The following PPP4R3B variants were observed in gnomAD, a reference collection of about 807,000 sequenced individuals.
PPP4R3B encodes the protein serine/threonine-protein phosphatase 4 regulatory subunit 3B.
Under a neutral mutation model 95.4 loss-of-function variants are expected in PPP4R3B, and 52 were observed. The ratio of observed to expected loss-of-function variants is 0.54; its 90% confidence interval spans 0.44 to 0.69. The LOEUF is 0.69. Among genes scored for constraint, PPP4R3B ranks in the 30% least tolerant of loss-of-function variants. The pLI, the probability that PPP4R3B is intolerant of heterozygous loss-of-function variation, is 0.00. For synonymous variants in PPP4R3B, 407 were observed against 343.9 expected, an observed-to-expected ratio of 1.18 and a Z score of -2.03; for missense variants, 1,003 against 1,005.9, an observed-to-expected ratio of 1.00 and a Z score of 0.04.
chr2:55,610,803 T>G (rs894385493), intron 2 of PPP4R3B, among the ~76,000 whole-genome samples: 2 of 152,058 alleles, frequency 1.3e-5, no homozygotes, highest in Non-Finnish European at 2.9e-5. Flanking sequence ...AAAACTGCAA[T>G]GAGGATTTTC....
intron 2 of PPP4R3B, among the ~76,000 whole-genome samples, chr2:55,604,533 A>T (rs2586972): frequency 0.93 from 136,875 of 147,958 alleles, 63,814 homozygotes; most frequent in African/African-American, 0.97. Context: ...TTTTTTTTTT[A>T]TATATCTGGA....
rs1005447142 is a variant in PPP4R3B at position 55,598,947 on chromosome 2, A to T, written c.390T>A (p.His130Gln). The T allele has an allele frequency of 6.2e-7, 1 of 1,614,094 alleles. No homozygotes were observed. The highest frequency in any genetic ancestry group is 2.2e-5 in the East Asian group (1 of 44,892). The change falls in exon 4 of 17, where the codon CAT becomes CAA. Residue 130 changes from histidine (H) to glutamine (Q), a missense_variant. Coordinates refer to ENST00000616407, the MANE Select transcript of PPP4R3B (RefSeq NM_001122964.3). ...GTTCACATGTGGGCAGGTCAATCAG[A>T]TGACTAGTTTCAGGCATTTCTTCAA... ...ERFEEMPETS[H>Q]LIDLPTCELN...
Position 55,555,899 on chromosome 2 carries a change from T to C in PPP4R3B, c.2454+2876A>G, listed in dbSNP as rs140125700. Among the ~76,000 whole-genome samples, 687 of 152,358 alleles carry C rather than the reference T, an allele frequency of 4.5e-3. 5 individuals are homozygous for C. Among genetic ancestry groups the C allele is most frequent in the Non-Finnish European group, 6.3e-3 (431 of 68,024 alleles). Reference sequence around the variant, plus strand: ...ACGTGTTTATTTTAGTATCCACAAATGGCTTCTCATTCTGATTTTATATTT... The same window carrying C: ...ACGTGTTTATTTTAGTATCCACAAACGGCTTCTCATTCTGATTTTATATTT... On this transcript the variant is annotated intron_variant, in intron 16 of 16. Coordinates refer to ENST00000616407, the MANE Select transcript of PPP4R3B (RefSeq NM_001122964.3).
intron 1 of PPP4R3B, chr2:55,616,503 A>G (rs1274850999): frequency 6.6e-6 from 1 of 152,226 alleles, no homozygotes; most frequent in Non-Finnish European, 1.5e-5. Context: ...ACCAAAGAAC[A>G]CAGCAGTTTA....
chr2:55,566,909 C>T (rs1004613587), intron 13 of PPP4R3B, among the ~76,000 whole-genome samples: 1 of 152,052 alleles, frequency 6.6e-6, no homozygotes, highest in Non-Finnish European at 1.5e-5. Flanking sequence ...AGGAGGCTGA[C>T]GTGGGAGGAT....
At chr2:55,615,766 C>G (rs994121514) in intron 1 of PPP4R3B, among the ~76,000 whole-genome samples, 1 of 144,890 alleles carries the variant, frequency 6.9e-6, no homozygotes, top group African/African-American at 2.6e-5. Flanking sequence ...GCAGGAGAAT[C>G]GCTTGAGAGA....
intron 1 of PPP4R3B, among the ~76,000 whole-genome samples, chr2:55,615,857 CAAAAAAA>C (rs58981030): frequency 0.081 from 3,201 of 39,330 alleles, 68 homozygotes; most frequent in South Asian, 0.21. Context: ...ACTCTGTCTC[CAAAAAAA>C]AAAAAAAAAA....
intron 11 of PPP4R3B, 31 bp downstream of exon 11, chr2:55,577,284 A>G (rs1027239213): frequency 2.6e-6 from 4 of 1,538,090 alleles, no homozygotes; most frequent in Non-Finnish European, 3.5e-6. Flanking sequence ...TATAATTTGC[A>G]TGTATTCATA....
At chr2:55,561,215 C>T (rs964598015) in intron 15 of PPP4R3B, among the ~76,000 whole-genome samples, 2 of 152,154 alleles carry the variant, frequency 1.3e-5, no homozygotes, top group African/African-American at 2.4e-5. Flanking sequence ...TTCCATGTGA[C>T]ACGGGGCCTG....
chr2:55,580,753 C>T (rs1324068245), intron 8 of PPP4R3B, among the ~76,000 whole-genome samples: 1 of 152,042 alleles, frequency 6.6e-6, no homozygotes, highest in Non-Finnish European at 1.5e-5. Flanking sequence ...TGTATATATT[C>T]TCTAAATATG....
chr2:55,615,260 A>G, intron 2 of PPP4R3B, 191 bp downstream of exon 2: 1 of 544,120 alleles, frequency 1.8e-6, no homozygotes, highest in Non-Finnish European at 3.2e-6. Flanking sequence ...GCTCAATCCA[A>G]AAATGATAAT....
Position 55,598,697 on chromosome 2 carries a change from A to G in PPP4R3B, c.640T>C (p.Phe214Leu). 1 of 1,614,222 alleles carries G rather than the reference A, an allele frequency of 6.2e-7. No homozygotes were observed. Among genetic ancestry groups the G allele is most frequent in the Non-Finnish European group, 8.5e-7 (1 of 1,180,040 alleles). The part of the protein sequence containing the change: ...LNKATLFEVM[F>L]SDECIMDVVG... ...ACATCCATGATACACTCATCAGAAAACATTACCTCAAAAAGAGTTGCCTTA... is the reference window on the plus strand; with the variant it reads ...ACATCCATGATACACTCATCAGAAAGCATTACCTCAAAAAGAGTTGCCTTA... Residue 214 changes from phenylalanine (F) to leucine (L), a missense_variant, in exon 4 of 17, where the codon TTT becomes CTT. Coordinates refer to ENST00000616407, the MANE Select transcript of PPP4R3B (RefSeq NM_001122964.3).
intron 4 of PPP4R3B, chr2:55,591,487 G>T (rs1188295996): frequency 2.1e-6 from 2 of 973,618 alleles, no homozygotes; most frequent in Non-Finnish European, 1.2e-6. Flanking sequence ...AGGTTAGGGT[G>T]AGTAAGTACA....
At chr2:55,556,726 C>T (rs1018149043) in intron 16 of PPP4R3B, among the ~76,000 whole-genome samples, 1 of 151,934 alleles carries the variant, frequency 6.6e-6, no homozygotes, top group African/African-American at 2.4e-5. Flanking sequence ...ATAATTTAAT[C>T]TTCCCAACAA....
intron 11 of PPP4R3B, among the ~76,000 whole-genome samples, chr2:55,575,706 G>A (rs1688580628): frequency 6.6e-6 from 1 of 152,122 alleles, no homozygotes; most frequent in Non-Finnish European, 1.5e-5. Flanking sequence ...CCAAAGTGCT[G>A]AGATTACAGG....
intron 4 of PPP4R3B, chr2:55,591,774 CCT>C (rs1691062960): frequency 1.8e-6 from 1 of 542,262 alleles, no homozygotes; most frequent in Non-Finnish European, 2.3e-6. Context: ...GTATTTTTTC[CCT>C]GATTTCCAGC....
intron 7 of PPP4R3B, among the ~76,000 whole-genome samples, chr2:55,582,689 T>A (rs915863520): frequency 6.6e-6 from 1 of 152,220 alleles, no homozygotes; most frequent in African/African-American, 2.4e-5. Context: ...AGCATCTGCA[T>A]ATCTTAGGTT....
chr2:55,617,162 C>A lies in PPP4R3B; in HGVS notation c.124G>T (p.Val42Phe). 6.2e-7 allele frequency: 1 copy of A among 1,613,194 alleles called. No individual in the cohort carries two copies. The highest frequency in any genetic ancestry group is 8.5e-7 in the Non-Finnish European group (1 of 1,179,660). The change falls in exon 1 of 17, where the codon GTT becomes TTT. Residue 42 changes from valine (V) to phenylalanine (F), a missense_variant. Val to Phe is a conservative substitution (Grantham distance 50). Coordinates refer to ENST00000616407, the MANE Select transcript of PPP4R3B (RefSeq NM_001122964.3). ...ACCTTACCGTCGGACTCTGCCCGAA[C>A]CAGCAGCGACATCCCCTTGAGCTCC... is the stretch of plus-strand genomic sequence containing the variant. ...VEELKGMSLL[V>F]RAESDGSLLL...
At position 55,564,481 on chromosome 2, in the gene PPP4R3B, G is replaced by C. The variant is rs371627934; in HGVS notation, c.2092C>G (p.Arg698Gly). 6.2e-6 allele frequency: 10 copies of C among 1,609,232 alleles called. No homozygotes were observed. The highest frequency in any genetic ancestry group is 8.5e-6 in the Non-Finnish European group (10 of 1,178,358). Reference sequence around the variant, plus strand: ...GCATCTCTGCGAAATCTGTTACTACGCAATATAGATGGTACACTGTAAGAA... The same window carrying C: ...GCATCTCTGCGAAATCTGTTACTACCCAATATAGATGGTACACTGTAAGAA... ...QKLNSVPSIL[R>G]SNRFRRDAKA... is the part of the protein sequence containing the mutation. Residue 698 changes from arginine to glycine, a missense_variant, in exon 15 of 17, where the codon CGT (arginine) becomes GGT (glycine). This residue lies in a region of PPP4R3B where 229 missense variants were observed against 194.7 expected (regional missense o/e 1.18). Transcript: ENST00000616407.
Sources: gnomAD v4.1 joint callset for allele counts (sites outside exome capture counted in the v4.1 genomes callset) on GRCh38, gnomAD v4.1.1 for gene constraint, gnomAD v4.1.1 regional missense constraint, MANE v1.5 for transcripts, NCBI Gene and HGNC (gene_info 2026-07-23, HGNC 2026-07-21) for gene names.